Variants in GRM7 observed in about 807,000 individuals in gnomAD.
GRM7 encodes the protein glutamate metabotropic receptor 7.
Under a neutral mutation model 84.5 loss-of-function variants are expected in GRM7, and 35 were observed. That is an observed-to-expected ratio of 0.41 (90% CI 0.32 to 0.55). GRM7 has a LOEUF of 0.55. GRM7 is among the 20% of genes least tolerant of loss of function. The pLI is 0.19. For synonymous variants in GRM7, 487 were observed against 455.1 expected (o/e 1.07, Z -0.89); for missense variants, 1,003 against 1,194.6 (o/e 0.84, Z 2.36).
intron 8 of GRM7, among the ~76,000 whole-genome samples, chr3:7,584,931 T>C (rs1292261399): frequency 6.6e-6 from 1 of 152,222 alleles, no homozygotes; most frequent in African/African-American, 2.4e-5. Flanking sequence ...GAACTCTCAT[T>C]ATCCCACACC....
At chr3:7,381,515 ATAAAC>A (rs1191448660) in intron 4 of GRM7, among the ~76,000 whole-genome samples, 3 of 152,286 alleles carry the variant, frequency 2.0e-5, no homozygotes, top group African/African-American at 7.2e-5. Context: ...GTATATAAAT[ATAAAC>A]TAAGTTTTCT....
At chr3:7,341,446 T>C (rs903476060) in intron 4 of GRM7, among the ~76,000 whole-genome samples, 1 of 152,094 alleles carries the variant, frequency 6.6e-6, no homozygotes, top group South Asian at 2.1e-4. Context: ...AAAGAAGAAG[T>C]CATGTACTAC....
intron 8 of GRM7, among the ~76,000 whole-genome samples, chr3:7,653,180 CTTTTTTT>C (rs1218949173): frequency 1.5e-4 from 13 of 89,514 alleles, no homozygotes; most frequent in East Asian, 3.6e-4. Flanking sequence ...ATACTATATC[CTTTTTTT>C]TTTTTTTTTT....
In GRM7 at chr3:7,461,689, G is replaced by T. The variant is rs987790166; in HGVS notation, c.1482G>T (p.Leu494=). 19 of 1,613,890 alleles carry T rather than the reference G, an allele frequency of 1.2e-5. No individual in the cohort carries two copies. Among genetic ancestry groups the T allele is most frequent in the Non-Finnish European group, 1.5e-5 (18 of 1,179,922 alleles). ...TTNTSNPGYR[L]IGQWTDELQL... ...ACACCAGCAACCCGGGTTACCGTCT[G>T]ATCGGGCAGTGGACAGACGAACTTC... The change falls in exon 7 of 10, where the codon CTG becomes CTT. Residue 494 remains leucine, a synonymous_variant. Transcript: ENST00000357716.
intron 8 of GRM7, among the ~76,000 whole-genome samples, chr3:7,668,987 T>C (rs1288575257): frequency 1.3e-5 from 2 of 152,256 alleles, no homozygotes; most frequent in Non-Finnish European, 2.9e-5. Context: ...TTTCATTTTG[T>C]ATTCAAACTC....
At chr3:7,117,858 G>A (rs891733671) in intron 1 of GRM7, among the ~76,000 whole-genome samples, 12 of 152,088 alleles carry the variant, frequency 7.9e-5, no homozygotes, top group Non-Finnish European at 1.8e-4. Flanking sequence ...AAGTTCCTCA[G>A]CAATGAATGC....
intron 1 of GRM7, among the ~76,000 whole-genome samples, chr3:6,991,586 A>G (rs1694636949): frequency 6.6e-6 from 1 of 152,162 alleles, no homozygotes; most frequent in Non-Finnish European, 1.5e-5. Context: ...AAAATGGGTC[A>G]TACCCCACAA....
chr3:6,864,745 G>T (rs931562713), intron 1 of GRM7, among the ~76,000 whole-genome samples: 8 of 152,176 alleles, frequency 5.3e-5, no homozygotes, highest in African/African-American at 1.4e-4. Flanking sequence ...TAAATGGGGG[G>T]TGCTGAGCAC....
intron 1 of GRM7, among the ~76,000 whole-genome samples, chr3:6,912,291 C>G (rs928224342): frequency 6.6e-6 from 1 of 152,014 alleles, no homozygotes; most frequent in African/African-American, 2.4e-5. Context: ...CTATAATATG[C>G]CCTGTGAATT....
chr3:7,315,409 G>A (rs1302194436), intron 4 of GRM7, among the ~76,000 whole-genome samples: 1 of 152,192 alleles, frequency 6.6e-6, no homozygotes, highest in East Asian at 1.9e-4. Flanking sequence ...GCTTAATGCT[G>A]TATATTGCAT....
At chr3:7,498,078 A>C (rs1402210392) in intron 7 of GRM7, among the ~76,000 whole-genome samples, 1 of 152,224 alleles carries the variant, frequency 6.6e-6, no homozygotes, top group African/African-American at 2.4e-5. Flanking sequence ...AACACAAAAG[A>C]AGTATCCTCT....
rs1694808046 is a variant in GRM7, at chr3:6,862,854, C to G, written c.519+947C>G. On this transcript the variant is annotated intron_variant, in intron 1 of 9. Transcript: ENST00000357716. The surrounding 1 kb of genome is among the most constrained non-coding windows in gnomAD (Gnocchi z 5.2). ...CAGAGGGGTGCGTGAAGCGGGGCCC[C>G]GTGGTCCTCCTGCTCCGGTGCCGGA... 1 of 348,398 alleles carries G rather than the reference C, an allele frequency of 2.9e-6. No individual in the cohort carries two copies. Among genetic ancestry groups the G allele is most frequent in the Non-Finnish European group, 5.7e-6 (1 of 174,120 alleles). 21.6% of individuals were successfully genotyped at this position (348,398 alleles called of 1,614,324 possible). A position where few individuals can be genotyped will look rare whatever the true frequency, so the allele number is the denominator to read the frequency against.
chr3:7,710,925 C>T (rs1342734374), intron 9 of GRM7, among the ~76,000 whole-genome samples: 1 of 152,322 alleles, frequency 6.6e-6, no homozygotes, highest in South Asian at 2.1e-4. Flanking sequence ...TTCAGCACTT[C>T]GCTTAGAGTC....
In GRM7 at chr3:7,696,638, T is replaced by C. The variant is rs545778320; in HGVS notation, c.2698+16343T>C. Reference sequence around the variant, plus strand: ...ATTGGCCAACTTTGAGATTCGGTTGTCAGCTGGAAAATTCTCTTTTTCTAA... The same window carrying C: ...ATTGGCCAACTTTGAGATTCGGTTGCCAGCTGGAAAATTCTCTTTTTCTAA... On this transcript the variant is annotated intron_variant, in intron 9 of 9. Transcript: ENST00000357716. 2.6e-4 allele frequency among the ~76,000 whole-genome samples: 40 copies of C among 152,316 alleles called. No individual in the cohort carries two copies. The South Asian group carries it at 7.7e-3, about 29-fold the overall frequency.
intron 7 of GRM7, among the ~76,000 whole-genome samples, chr3:7,544,470 C>T (rs1693041289): frequency 6.6e-6 from 1 of 152,192 alleles, no homozygotes. Context: ...ACCTGCAGGG[C>T]CCTGGGTTTG....
chr3:7,146,887 GA>G (rs200514546), intron 2 of GRM7, among the ~76,000 whole-genome samples: 38 of 150,178 alleles, frequency 2.5e-4, no homozygotes, highest in East Asian at 1.2e-3. Context: ...AATAAATGAA[GA>G]AAAAAAAATA....
chr3:7,121,296 C>T (rs1267131562), intron 1 of GRM7, among the ~76,000 whole-genome samples: 2 of 151,854 alleles, frequency 1.3e-5, no homozygotes, highest in Non-Finnish European at 2.9e-5. Context: ...TTTAGATTCT[C>T]TGAGATGTTT....
At chr3:7,467,381 C>G (rs1053727306) in intron 7 of GRM7, among the ~76,000 whole-genome samples, 4 of 152,166 alleles carry the variant, frequency 2.6e-5, no homozygotes, top group Non-Finnish European at 5.9e-5. Flanking sequence ...GCCACCACGC[C>G]GGGCGCCAAG....
In GRM7 at chr3:7,325,942, A is replaced by T. The variant is rs145924749; in HGVS notation, c.1033+19290A>T. Among the ~76,000 whole-genome samples the T allele has an allele frequency of 3.3e-5, 5 of 152,244 alleles. No individual in the cohort carries two copies. The South Asian group carries it at 1.0e-3, about 32-fold the overall frequency. On this transcript the variant is annotated intron_variant, in intron 4 of 9. Transcript: ENST00000357716. ...GAGCGAGAAACAGCACCAAAGCCAG[A>T]CCTGAATGTGTGTTTCATCGTAATG...
Sources: allele counts gnomAD v4.1 joint callset (sites outside exome capture counted in the v4.1 genomes callset), GRCh38; gene constraint gnomAD v4.1.1; non-coding constraint Gnocchi (gnomAD v3.1); transcripts MANE v1.5; gene names NCBI Gene and HGNC (gene_info 2026-07-23, HGNC 2026-07-21).